Variants in ERBB4 observed in about 807,000 individuals in gnomAD.
ERBB4 encodes the protein receptor tyrosine-protein kinase erbB-4.
In ERBB4, 42 loss-of-function variants were observed where a neutral mutation model predicts 158.0. The observed-to-expected ratio is 0.27, with a 90% confidence interval of 0.21 to 0.34. The LOEUF (loss-of-function observed/expected upper bound fraction) is 0.34. ERBB4 is among the 10% of genes least tolerant of loss of function. The probability of loss-of-function intolerance (pLI) is 1.00; values close to 1 mark genes in which losing one functional copy is unlikely to be tolerated. For synonymous variants in ERBB4, 583 were observed against 558.7 expected, an observed-to-expected ratio of 1.04 and a Z score of -0.61; for missense variants, 1,333 against 1,624.1, an observed-to-expected ratio of 0.82 and a Z score of 3.08.
At chr2:212,363,179 T>C (rs999341132) in intron 1 of ERBB4, among the ~76,000 whole-genome samples, 9 of 151,438 alleles carry the variant, frequency 5.9e-5, no homozygotes, top group Admixed American at 2.0e-4. Flanking sequence ...AAAGGTATCC[T>C]ATGGTTGTAA....
At chr2:212,534,614 G>A (rs966294876) in intron 1 of ERBB4, among the ~76,000 whole-genome samples, 1 of 152,040 alleles carries the variant, frequency 6.6e-6, no homozygotes, top group Non-Finnish European at 1.5e-5. Flanking sequence ...CAGGTTACTG[G>A]GAAAGACACA....
chr2:211,811,487 G>A (rs1429476518), intron 3 of ERBB4, among the ~76,000 whole-genome samples: 1 of 151,974 alleles, frequency 6.6e-6, no homozygotes, highest in Non-Finnish European at 1.5e-5. Flanking sequence ...TGACAATTAT[G>A]TGTCTCGGGG....
intron 12 of ERBB4, among the ~76,000 whole-genome samples, 177 bp downstream of exon 12, chr2:211,701,790 T>C (rs1306796951): frequency 1.4e-5 from 2 of 142,386 alleles, no homozygotes; most frequent in South Asian, 4.4e-4. Flanking sequence ...AAAAAGAAAG[T>C]CACTTATTCT....
chr2:211,958,972 T>C (rs917666338), intron 2 of ERBB4, among the ~76,000 whole-genome samples: 1 of 152,032 alleles, frequency 6.6e-6, no homozygotes, highest in Non-Finnish European at 1.5e-5. Context: ...CAAACATACA[T>C]AGAATCAAAT....
intron 1 of ERBB4, among the ~76,000 whole-genome samples, chr2:212,435,939 T>A (rs2092126453): frequency 6.6e-6 from 1 of 151,894 alleles, no homozygotes. Context: ...TCCTTTGGTG[T>A]GTCCCAGAAA....
chr2:211,704,113 A>G lies in ERBB4; in HGVS notation c.1280T>C (p.Val427Ala). The G allele has an allele frequency of 6.3e-7, 1 of 1,593,188 alleles. No homozygotes were observed. The highest frequency in any genetic ancestry group is 1.1e-5 in the South Asian group (1 of 90,646). ...FSNLVTIGGR[V>A]LYSGLSLLIL... is the part of the protein sequence containing the mutation. ...AAACATATCCACTTACCTATAGAGT[A>G]CTCTTCCACCAATGGTCACCAGGTT... The change falls in exon 11 of 28, where the codon GTA (valine) becomes GCA (alanine). Residue 427 changes from valine (V) to alanine (A), a missense_variant. Transcript: ENST00000342788.
At chr2:211,626,766 T>C (rs1317685996) in intron 17 of ERBB4, among the ~76,000 whole-genome samples, 1 of 151,130 alleles carries the variant, frequency 6.6e-6, no homozygotes, top group Non-Finnish European at 1.5e-5. Context: ...CTACTAAAAA[T>C]ACAAAAAAAT....
At chr2:212,300,505 T>G (rs528602425) in intron 1 of ERBB4, among the ~76,000 whole-genome samples, 1 of 151,554 alleles carries the variant, frequency 6.6e-6, no homozygotes, top group Non-Finnish European at 1.5e-5. Context: ...TGTGAGACTG[T>G]CCTTAACTTT....
intron 12 of ERBB4, among the ~76,000 whole-genome samples, chr2:211,700,847 A>C (rs1362985291): frequency 5.9e-5 from 9 of 152,118 alleles, no homozygotes; most frequent in Non-Finnish European, 1.3e-4. Context: ...GAATGGATTG[A>C]TTTTGTGCCC....
rs147751273 is a variant in ERBB4, at chr2:211,869,332, T to A, written c.421+78098A>T. Among the ~76,000 whole-genome samples, 396 of 152,310 alleles carry A rather than the reference T, an allele frequency of 2.6e-3. 4 individuals carry two copies. The highest frequency in any genetic ancestry group is 9.0e-3 in the African/African-American group (373 of 41,570). On this transcript the variant is annotated intron_variant, in intron 3 of 27. Transcript: ENST00000342788. Reference sequence around the variant, plus strand: ...CTACAATCACTGTCATCTCCCTGAGTCTGCTTAACGTGACATCCTCCTGCT... The same window carrying A: ...CTACAATCACTGTCATCTCCCTGAGACTGCTTAACGTGACATCCTCCTGCT...
chr2:212,022,684 TA>T (rs1367645248), intron 2 of ERBB4, among the ~76,000 whole-genome samples: 1 of 152,086 alleles, frequency 6.6e-6, no homozygotes. Flanking sequence ...CCCCAGAACT[TA>T]AAAAATAAAA....
At chr2:212,257,664 A>G (rs1019955323) in intron 1 of ERBB4, among the ~76,000 whole-genome samples, 6 of 152,170 alleles carry the variant, frequency 3.9e-5, no homozygotes, top group African/African-American at 1.4e-4. Context: ...TGGAATTGTT[A>G]AGAATTCACT....
intron 3 of ERBB4, among the ~76,000 whole-genome samples, chr2:211,944,301 T>C (rs111841401): frequency 9.0e-4 from 134 of 149,252 alleles, no homozygotes; most frequent in African/African-American, 3.0e-3. Context: ...ATCCCCATAA[T>C]TGTTACTGGT....
rs541338503 is a variant in ERBB4, at chr2:212,254,071, GTTA to G, written c.83-129171_83-129169del. 5.1e-4 allele frequency among the ~76,000 whole-genome samples: 78 copies of G among 152,046 alleles called. 2 individuals carry two copies. The South Asian group carries it at 0.015, about 30-fold the overall frequency. On this transcript the variant is annotated intron_variant, in intron 1 of 27. Transcript: ENST00000342788. ...TGGTAGAGGTGGTCAGTCATTGACT[GTTA>G]TTATGCCACACATGACTGTAAAATT... is the stretch of plus-strand genomic sequence containing the variant.
chr2:211,813,343 T>C (rs983645654), intron 3 of ERBB4, among the ~76,000 whole-genome samples: 8 of 152,220 alleles, frequency 5.3e-5, no homozygotes, highest in Non-Finnish European at 1.2e-4. Context: ...TAAATCCAGT[T>C]GCAACGCTGT....
intron 1 of ERBB4, among the ~76,000 whole-genome samples, chr2:212,535,925 TAAGA>T (rs1213306116): frequency 1.3e-5 from 2 of 152,224 alleles, no homozygotes; most frequent in African/African-American, 4.8e-5. Context: ...TCCTTCTGCT[TAAGA>T]AATTAGCATT....
At chr2:212,171,954 C>G (rs946140821) in intron 1 of ERBB4, among the ~76,000 whole-genome samples, 4 of 151,978 alleles carry the variant, frequency 2.6e-5, no homozygotes. Flanking sequence ...TCTGCACAGC[C>G]AAAGAAACTA....
rs549793556 is a variant in ERBB4 at position 211,592,257 on chromosome 2, T to C, written c.2301+26920A>G. Among the ~76,000 whole-genome samples, 7 of 152,222 alleles carry C rather than the reference T, an allele frequency of 4.6e-5. No individual in the cohort carries two copies. In the East Asian group the frequency reaches 1.4e-3, roughly 30 times the overall value. The stretch of plus-strand genomic sequence containing the variant: ...GGGTATTGCTCGCCACAGTATCTTA[T>C]CAGTTAATTGCATTCTTGAACGTGC... On this transcript the variant is annotated intron_variant, in intron 19 of 27. Coordinates refer to ENST00000342788, the MANE Select transcript of ERBB4 (RefSeq NM_005235.3).
At position 212,310,352 on chromosome 2, in the gene ERBB4, T is replaced by A. The variant is rs539478528; in HGVS notation, c.83-185449A>T. Among the ~76,000 whole-genome samples the A allele has an allele frequency of 2.0e-5, 3 of 150,888 alleles. No individual in the cohort carries two copies. The East Asian group carries it at 5.9e-4, about 30-fold the overall frequency. On this transcript the variant is annotated intron_variant, in intron 1 of 27. Coordinates refer to ENST00000342788, the MANE Select transcript of ERBB4 (RefSeq NM_005235.3). The stretch of plus-strand genomic sequence containing the variant: ...CGGCATCAGTAGAGACACTGACAGA[T>A]GATATTCAGCCTCCCTCTATTGGGG...
Sources: allele counts gnomAD v4.1 joint callset (sites outside exome capture counted in the v4.1 genomes callset), GRCh38; gene constraint gnomAD v4.1.1; transcripts MANE v1.5; gene names NCBI Gene and HGNC (gene_info 2026-07-23, HGNC 2026-07-21).